The following GRK3 variants were observed in gnomAD, a reference collection of about 807,000 sequenced individuals.
GRK3 encodes the protein adrenergic, beta, receptor kinase 2.
GRK3 carries 54 observed loss-of-function variants against 95.7 expected under a neutral mutation model. The ratio of observed to expected loss-of-function variants is 0.56; its 90% CI spans 0.45 to 0.71. GRK3 has a LOEUF of 0.71. Ranked by LOEUF, GRK3 falls within the 30% of genes least tolerant of loss-of-function variation. The pLI is 0.00. For synonymous variants in GRK3, 281 were observed against 290.8 expected, an observed-to-expected ratio of 0.97 and a Z score of 0.34; for missense variants, 649 against 851.2, an observed-to-expected ratio of 0.76 and a Z score of 2.96.
chr22:25,656,623 C>T (rs769368684), intron 3 of GRK3, among the ~76,000 whole-genome samples: 13 of 152,156 alleles, frequency 8.5e-5, no homozygotes, highest in Non-Finnish European at 1.9e-4. Context: ...TACTACTACT[C>T]CTGGCATAAC....
In GRK3 at chr22:25,685,220, ACT is replaced by A; in HGVS notation, c.801_802del (p.Cys268LeufsTer23). On this transcript the variant is annotated frameshift_variant, in exon 10 of 21. Coordinates refer to ENST00000324198, the MANE Select transcript of GRK3 (RefSeq NM_005160.4). LOFTEE classifies it high-confidence loss of function. ...MTYAFHTPDKLCFILDLMNGG... is the reference protein window; with the variant it reads ...MTYAFHTPDKXCFILDLMNGG... ...CCTATGCCTTCCATACCCCAGATAA[ACT>A]CTGCTTCATCCTGGATCTGATGAAC... is the stretch of plus-strand genomic sequence containing the variant. 1 of 1,613,370 alleles carries A rather than the reference ACT, an allele frequency of 6.2e-7. No homozygotes were observed. The highest frequency in any genetic ancestry group is 8.5e-7 in the Non-Finnish European group (1 of 1,179,432).
chr22:25,674,948 GA>G lies in GRK3; in HGVS notation c.647+431del, dbSNP rs976691787. Among the ~76,000 whole-genome samples, 69 of 145,176 alleles carry G rather than the reference GA, an allele frequency of 4.8e-4. 1 individual carries two copies. Among genetic ancestry groups the G allele is most frequent in the South Asian group, 2.2e-3 (10 of 4,594 alleles). ...GGCAACAGAGCAAAACTCTGTCTTG[GA>G]AAAAAAAAAAGCTGTATTTTGTTAA... is the stretch of plus-strand genomic sequence containing the variant. On this transcript the variant is annotated intron_variant, in intron 8 of 20. Transcript: ENST00000324198.
At chr22:25,642,859 A>C (rs1259830375) in intron 2 of GRK3, among the ~76,000 whole-genome samples, 1 of 152,084 alleles carries the variant, frequency 6.6e-6, no homozygotes, top group African/African-American at 2.4e-5. Context: ...GAAACACTCC[A>C]CCCTATAAGA....
intron 6 of GRK3, among the ~76,000 whole-genome samples, chr22:25,670,234 C>T (rs774741224): frequency 6.6e-6 from 1 of 152,154 alleles, no homozygotes; most frequent in Non-Finnish European, 1.5e-5. Flanking sequence ...TGGCTCGCCC[C>T]TGTAATCCCA....
intron 1 of GRK3, among the ~76,000 whole-genome samples, chr22:25,593,150 C>A (rs941307654): frequency 1.9e-4 from 26 of 133,766 alleles, no homozygotes; most frequent in Non-Finnish European, 4.2e-4. Context: ...TTTTTTTTTT[C>A]TTTTGGTAGA....
At chr22:25,645,444 A>AAGTT (rs1344847427) in intron 3 of GRK3, among the ~76,000 whole-genome samples, 1 of 152,240 alleles carries the variant, frequency 6.6e-6, no homozygotes, top group Non-Finnish European at 1.5e-5. Flanking sequence ...AGAGTTTAAA[A>AAGTT]ATAACACTAG....
rs181604572 is a variant in GRK3 at position 25,635,844 on chromosome 22, T to G, written c.191-8748T>G. Among the ~76,000 whole-genome samples the G allele has an allele frequency of 1.4e-3, 217 of 152,360 alleles. 1 individual carries two copies. The highest frequency in any genetic ancestry group is 3.4e-3 in the Middle Eastern group (1 of 294). On this transcript the variant is annotated intron_variant, in intron 2 of 20. Transcript: ENST00000324198. Reference sequence around the variant, plus strand: ...CCTACTCAAACTTATCCACTAGTTTTGGCACCCATCAGTTTTCTGACTCCA... The same window carrying G: ...CCTACTCAAACTTATCCACTAGTTTGGGCACCCATCAGTTTTCTGACTCCA...
At chr22:25,585,419 A>G (rs1300754107) in intron 1 of GRK3, among the ~76,000 whole-genome samples, 1 of 152,224 alleles carries the variant, frequency 6.6e-6, no homozygotes, top group East Asian at 1.9e-4. Flanking sequence ...TCCATTAATT[A>G]AAACTATTTA....
At chr22:25,568,019 T>G (rs1931553052) in intron 1 of GRK3, among the ~76,000 whole-genome samples, 1 of 152,236 alleles carries the variant, frequency 6.6e-6, no homozygotes, top group South Asian at 2.1e-4. Context: ...AAAAGCTGAC[T>G]GTTTGTCCAA....
At chr22:25,598,899 C>T (rs1240701148) in intron 1 of GRK3, among the ~76,000 whole-genome samples, 1 of 151,998 alleles carries the variant, frequency 6.6e-6, no homozygotes. Flanking sequence ...GAGAAATCCT[C>T]ACATTTACAG....
chr22:25,658,573 A>C (rs534525382), intron 3 of GRK3, among the ~76,000 whole-genome samples: 2 of 152,136 alleles, frequency 1.3e-5, no homozygotes, highest in African/African-American at 4.8e-5. Context: ...GCCCTTTTCC[A>C]TTCTCTGTGT....
chr22:25,634,382 G>T (rs2084685414), intron 2 of GRK3, among the ~76,000 whole-genome samples: 1 of 152,190 alleles, frequency 6.6e-6, no homozygotes, highest in African/African-American at 2.4e-5. Flanking sequence ...TTGTTTCGTG[G>T]TGCTTGCAGG....
chr22:25,623,837 G>A (rs1473473301), intron 2 of GRK3, among the ~76,000 whole-genome samples: 12 of 152,070 alleles, frequency 7.9e-5, no homozygotes, highest in Admixed American at 7.2e-4. Context: ...TTATTACTCT[G>A]ACCCAGATAG....
chr22:25,672,334 A>G lies in GRK3; in HGVS notation c.542A>G (p.Glu181Gly). The change falls in exon 7 of 21, where the codon GAA (glutamate) becomes GGA (glycine). Residue 181 changes from glutamate to glycine, a missense_variant. By Grantham distance (98) the Glu-to-Gly change is moderately conservative. Coordinates refer to ENST00000324198, the MANE Select transcript of GRK3 (RefSeq NM_005160.4). ...AGATTTTGTCAGTGGAAAAACGTTG[A>G]ATTAAATATCCATGTGAGTATCATC... ...FTRFCQWKNV[E>G]LNIHLTMNEF... 1 of 1,476,700 alleles carries G rather than the reference A, an allele frequency of 6.8e-7. No homozygotes were observed. The allele number at this position is 1,476,700 out of a possible 1,614,324, so 91.5% of individuals were successfully genotyped here.
At chr22:25,600,144 AG>A (rs2084399111) in intron 1 of GRK3, among the ~76,000 whole-genome samples, 1 of 147,386 alleles carries the variant, frequency 6.8e-6, no homozygotes, top group Non-Finnish European at 1.5e-5. Context: ...CCATATCTGC[AG>A]GGTTTTTTTT....
intron 13 of GRK3, among the ~76,000 whole-genome samples, chr22:25,700,211 G>A (rs112613232): frequency 0.026 from 3,991 of 152,306 alleles, 58 homozygotes; most frequent in African/African-American, 0.04. Context: ...GCTCATATGT[G>A]CTATCTTTGA....
intron 2 of GRK3, among the ~76,000 whole-genome samples, chr22:25,618,204 A>G (rs1312522005): frequency 1.3e-5 from 2 of 152,252 alleles, no homozygotes; most frequent in African/African-American, 4.8e-5. Flanking sequence ...TTTCTGCACA[A>G]GCCCTGTGAA....
chr22:25,703,724 T>C (rs796472168), intron 14 of GRK3, 148 bp downstream of exon 14: 8 of 582,006 alleles, frequency 1.4e-5, no homozygotes, highest in African/African-American at 1.3e-4. Context: ...TTGAAACAAA[T>C]AAATGCAGAT....
intron 5 of GRK3, among the ~76,000 whole-genome samples, chr22:25,666,900 A>ATT (rs2084945898): frequency 6.6e-6 from 1 of 152,076 alleles, no homozygotes; most frequent in Admixed American, 6.5e-5. Context: ...GTCTCTTTAT[A>ATT]TTTTTATAGT....
Sources: gnomAD v4.1 joint callset for allele counts (sites outside exome capture counted in the v4.1 genomes callset) on GRCh38, gnomAD v4.1.1 for gene constraint, MANE v1.5 for transcripts, NCBI Gene and HGNC (gene_info 2026-07-23, HGNC 2026-07-21) for gene names.